Variants in CPLANE1 observed in about 807,000 individuals in gnomAD.
CPLANE1 encodes the protein ciliogenesis and planar polarity effector 1.
Under a neutral mutation model 362.5 loss-of-function variants are expected in CPLANE1, and 263 were observed. The ratio of observed to expected loss-of-function variants is 0.73; its 90% confidence interval spans 0.66 to 0.80. The LOEUF is 0.80. Among genes scored for constraint, CPLANE1 ranks in the 30% least tolerant of loss-of-function variants. The pLI is 0.00. For synonymous variants in CPLANE1, 1,212 were observed against 1,302.6 expected (o/e 0.93, Z 1.50); for missense variants, 3,461 against 3,793.4 (o/e 0.91, Z 2.30).
At position 37,142,332 on chromosome 5, in the gene CPLANE1, A is replaced by C; in HGVS notation, c.8610T>G (p.Ser2870Arg). The C allele has an allele frequency of 6.2e-7, 1 of 1,601,068 alleles. No homozygotes were observed. The highest frequency in any genetic ancestry group is 8.5e-7 in the Non-Finnish European group (1 of 1,175,516). ...TACCAGGAGAAGTAGTATTCTGATC[A>C]CTGGAACTGGAAAGGCTGACAGCTG... The part of the protein sequence containing the change: ...ADSAVSLSSS[S>R]DQNTTSPGMN... Residue 2870 changes from serine to arginine, a missense_variant, in exon 44 of 53, where the codon AGT becomes AGG. Coordinates refer to ENST00000651892, the MANE Select transcript of CPLANE1 (RefSeq NM_001384732.1).
intron 8 of CPLANE1, 127 bp downstream of exon 8, chr5:37,238,730 C>A: frequency 4.4e-6 from 2 of 457,060 alleles, no homozygotes; most frequent in Non-Finnish European, 7.9e-6. Flanking sequence ...AACTCCTGAG[C>A]TCAAGTGATC....
At chr5:37,189,707 C>T (rs886278898) in intron 21 of CPLANE1, among the ~76,000 whole-genome samples, 1 of 152,076 alleles carries the variant, frequency 6.6e-6, no homozygotes, top group Admixed American at 6.6e-5. Flanking sequence ...ATATATCAAG[C>T]GTGCATTGCA....
In CPLANE1 at chr5:37,183,041, T is replaced by G; in HGVS notation, c.5140A>C (p.Thr1714Pro). 1 of 1,613,540 alleles carries G rather than the reference T, an allele frequency of 6.2e-7. No homozygotes were observed. Among genetic ancestry groups the G allele is most frequent in the South Asian group, 1.1e-5 (1 of 91,064 alleles). Residue 1714 changes from threonine to proline, a missense_variant, in exon 26 of 53, where the codon ACT becomes CCT. Physicochemically the swap from Thr to Pro is conservative, Grantham distance 38. Transcript: ENST00000651892. Reference sequence around the variant, plus strand: ...ATAGCTTTGAAAATACATCTTCTAGTTTTAATGGACTTGGGAGTCCAAAAA... The same window carrying G: ...ATAGCTTTGAAAATACATCTTCTAGGTTTAATGGACTTGGGAGTCCAAAAA... Reference protein sequence around the residue: ...HIFWTPKSIKTRRCIFKAIQC... With the variant: ...HIFWTPKSIKPRRCIFKAIQC...
intron 30 of CPLANE1, 139 bp downstream of exon 30, chr5:37,177,482 T>C (rs1267167861): frequency 3.1e-6 from 2 of 653,168 alleles, no homozygotes; most frequent in Non-Finnish European, 5.5e-6. Context: ...CATTTTACCA[T>C]AACTATAAAC....
At chr5:37,104,915 T>C (rs1757480196), downstream of CPLANE1, among the ~76,000 whole-genome samples, 1 of 152,042 alleles carries the variant, frequency 6.6e-6, no homozygotes, top group African/African-American at 2.4e-5. Flanking sequence ...AAAAGTGAAA[T>C]TCCATCTCTC....
chr5:37,079,297 G>A, the CPLANE1 span, among the ~76,000 whole-genome samples: 1 of 152,120 alleles, frequency 6.6e-6, no homozygotes, highest in African/African-American at 2.4e-5. Flanking sequence ...CAGCACCATT[G>A]ATTAAATAGG....
intron 43 of CPLANE1, among the ~76,000 whole-genome samples, chr5:37,145,614 C>T (rs1211095376): frequency 6.6e-6 from 1 of 152,002 alleles, no homozygotes; most frequent in African/African-American, 2.4e-5. Flanking sequence ...AATTTTAACT[C>T]ACCTATGAAT....
chr5:37,158,516 G>C (rs892514786), intron 38 of CPLANE1, among the ~76,000 whole-genome samples, 171 bp from the exon 39 acceptor site: 2 of 152,110 alleles, frequency 1.3e-5, no homozygotes, highest in Non-Finnish European at 2.9e-5. Context: ...TATTCTAAGG[G>C]CAATTTAAAG....
intron 46 of CPLANE1, chr5:37,138,469 A>G: frequency 1.7e-6 from 1 of 596,370 alleles, no homozygotes; most frequent in Admixed American, 2.0e-5. Flanking sequence ...AATTACTTCT[A>G]GTAAGAGACA....
At position 37,177,716 on chromosome 5, in the gene CPLANE1, G is replaced by GT; in HGVS notation, c.5821-17dup. The stretch of plus-strand genomic sequence containing the variant: ...CTGTGAACTCCTGTTAAAATGAATA[G>GT]TACCCAAAAAGAAAACAGGTAAAAC... On this transcript the variant is annotated splice_polypyrimidine_tract_variant and intron_variant, in intron 29 of 52. Coordinates refer to ENST00000651892, the MANE Select transcript of CPLANE1 (RefSeq NM_001384732.1). 6.3e-7 allele frequency: 1 copy of GT among 1,598,070 alleles called. No homozygotes were observed. Among genetic ancestry groups the GT allele is most frequent in the Non-Finnish European group, 8.6e-7 (1 of 1,167,792 alleles).
Position 37,120,391 on chromosome 5 carries a change from A to C in CPLANE1, c.9186-51T>G, listed in dbSNP as rs748320719. On this transcript the variant is annotated intron_variant, in intron 49 of 52. Transcript: ENST00000651892. ...ACATTCCCAGAATCTCATATCAGCG[A>C]TAAACTTTAACATTTCAAAAAGCCC... The C allele has an allele frequency of 4.0e-6, 6 of 1,487,972 alleles. No homozygotes were observed. The South Asian group carries it at 7.9e-5, about 20-fold the overall frequency. The allele number at this position is 1,487,972 out of a possible 1,614,324, so 92.2% of individuals were successfully genotyped here.
Position 37,107,498 on chromosome 5 carries a change from C to A in CPLANE1, c.*104G>T. 7.6e-7 allele frequency: 1 copy of A among 1,319,362 alleles called. No individual in the cohort carries two copies. The highest frequency in any genetic ancestry group is 9.7e-7 in the Non-Finnish European group (1 of 1,026,616). 81.7% of individuals were successfully genotyped at this position (1,319,362 alleles called of 1,614,324 possible). A position where few individuals can be genotyped will look rare whatever the true frequency, so the allele number is the denominator to read the frequency against. ...ATAATATGAAAGCAAATGGAAAATT[C>A]ACATTGCTTCTTTCATTGCTTCTGT... is the stretch of plus-strand genomic sequence containing the variant. On this transcript the variant is annotated 3_prime_UTR_variant, in exon 53 of 53. Coordinates refer to ENST00000651892, the MANE Select transcript of CPLANE1 (RefSeq NM_001384732.1).
chr5:37,122,594 G>T, intron 47 of CPLANE1, 106 bp from the exon 48 acceptor site: 1 of 812,360 alleles, frequency 1.2e-6, no homozygotes, highest in Non-Finnish European at 2.0e-6. Context: ...TGTCGTGTTT[G>T]ATGAAGCTTC....
rs11284644 is a variant in CPLANE1 at position 37,147,971 on chromosome 5, C to CAAAAAAAAAAAAAAAAAAAAAAAAAAA, written c.8461+183_8461+209dup. Among the ~76,000 whole-genome samples, 2 of 15,314 alleles carry CAAAAAAAAAAAAAAAAAAAAAAAAAAA rather than the reference C, an allele frequency of 1.3e-4. 1 individual carries two copies. Among genetic ancestry groups the CAAAAAAAAAAAAAAAAAAAAAAAAAAA allele is most frequent in the Non-Finnish European group, 3.7e-4 (2 of 5,460 alleles). The allele number at this position is 15,314 out of a possible 152,430, so 10.0% of individuals were successfully genotyped here. A position where few individuals can be genotyped will look rare whatever the true frequency, so the allele number is the denominator to read the frequency against. On this transcript the variant is annotated intron_variant, in intron 43 of 52. Coordinates refer to ENST00000651892, the MANE Select transcript of CPLANE1 (RefSeq NM_001384732.1). ...AATCCAGAGGAGGTTACTGCCTTCT[C>CAAAAAAAAAAAAAAAAAAAAAAAAAAA]AAAAAAAAAAAAAAAAAAAAAAAAA...
At chr5:37,144,304 G>A (rs897176034) in intron 43 of CPLANE1, among the ~76,000 whole-genome samples, 1 of 150,690 alleles carries the variant, frequency 6.6e-6, no homozygotes, top group Admixed American at 6.7e-5. Context: ...AGCTACTCAG[G>A]AAGGTGAGGC....
the CPLANE1 span, among the ~76,000 whole-genome samples, chr5:37,080,057 T>G: frequency 6.6e-6 from 1 of 152,242 alleles, no homozygotes; most frequent in Admixed American, 6.5e-5. Flanking sequence ...TGAGCGGATA[T>G]TCAAGCTAGA....
chr5:37,186,441 T>C (rs1356727768), intron 23 of CPLANE1, 47 bp from the exon 24 acceptor site: 1 of 840,828 alleles, frequency 1.2e-6, no homozygotes, highest in African/African-American at 1.7e-5. Context: ...ATCATTCTTT[T>C]TTTTTCTTCC....
intron 50 of CPLANE1, among the ~76,000 whole-genome samples, chr5:37,117,129 C>T (rs1019314582): frequency 3.3e-5 from 5 of 152,156 alleles, no homozygotes; most frequent in African/African-American, 9.7e-5. Context: ...TACTATAATA[C>T]CCGCCTATTA....
At position 37,245,760 on chromosome 5, in the gene CPLANE1, C is replaced by G; in HGVS notation, c.167G>C (p.Ser56Thr). Residue 56 changes from serine to threonine, a missense_variant, in exon 3 of 53, where the codon AGT becomes ACT. Ser to Thr is a moderately conservative substitution (Grantham distance 58). This residue lies in a region of CPLANE1 where 3,380 missense variants were observed against 3,666.1 expected (regional missense o/e 0.92). Transcript: ENST00000651892. ...AACATCCTTCAAGAAAGGCTGCAGA[C>G]TAGGAATTTTCTTCTTTATCTTTCC... ...LSGKIKKKIPSLQPFLKDVIV... is the reference protein window; with the variant it reads ...LSGKIKKKIPTLQPFLKDVIV... 1 of 1,538,610 alleles carries G rather than the reference C, an allele frequency of 6.5e-7. No individual in the cohort carries two copies. Among genetic ancestry groups the G allele is most frequent in the Non-Finnish European group, 8.8e-7 (1 of 1,142,832 alleles).
Sources: gnomAD v4.1 joint callset for allele counts (sites outside exome capture counted in the v4.1 genomes callset) on GRCh38, gnomAD v4.1.1 for gene constraint, gnomAD v4.1.1 regional missense constraint, MANE v1.5 for transcripts, NCBI Gene and HGNC (gene_info 2026-07-23, HGNC 2026-07-21) for gene names.